FUT9: variants seen among roughly 807,000 people sequenced by gnomAD.
FUT9 encodes 4-galactosyl-N-acetylglucosaminide 3-alpha-L-fucosyltransferase 9.
A neutral mutation model predicts 29.7 loss-of-function variants in FUT9; 15 were observed. That is an observed-to-expected ratio of 0.51 (90% CI 0.34 to 0.78). The LOEUF (loss-of-function observed/expected upper bound fraction) is 0.78, where lower values mean the gene tolerates loss of function less well. FUT9 is among the 30% of genes least tolerant of loss of function. FUT9 has a pLI of 0.01. For missense variants in FUT9, 319 were observed against 425.4 expected (o/e 0.75, Z 2.20); for synonymous variants, 169 against 153.7 (o/e 1.10, Z -0.74).
intron 2 of FUT9, among the ~76,000 whole-genome samples, chr6:96,176,441 A>G (rs1285589433): frequency 3.3e-5 from 5 of 152,052 alleles, no homozygotes; most frequent in African/African-American, 9.6e-5. Context: ...CAACTACTCA[A>G]CTCTGTCATT....
chr6:96,035,804 T>TATAAA (rs1403974041), intron 1 of FUT9, among the ~76,000 whole-genome samples: 1 of 134,820 alleles, frequency 7.4e-6, no homozygotes, highest in African/African-American at 2.7e-5. Flanking sequence ...ACTAATATAA[T>TATAAA]ATAATACATA....
intron 1 of FUT9, among the ~76,000 whole-genome samples, chr6:96,083,591 A>G (rs1302175582): frequency 6.6e-6 from 1 of 151,948 alleles, no homozygotes; most frequent in Non-Finnish European, 1.5e-5. Context: ...AGTTCCACTT[A>G]AACCCCTTCA....
chr6:96,139,323 G>T (rs1481015071), intron 2 of FUT9, among the ~76,000 whole-genome samples: 1 of 152,166 alleles, frequency 6.6e-6, no homozygotes, highest in Admixed American at 6.5e-5. Flanking sequence ...GAGTTCCCAC[G>T]GTCTTGGGAA....
At chr6:96,030,097 A>C (rs1402477774) in intron 1 of FUT9, among the ~76,000 whole-genome samples, 1 of 151,672 alleles carries the variant, frequency 6.6e-6, no homozygotes, top group Non-Finnish European at 1.5e-5. Context: ...AGTCGAAATC[A>C]GTAACTATAT....
chr6:96,038,301 T>C (rs1770398313), intron 1 of FUT9, among the ~76,000 whole-genome samples: 1 of 152,130 alleles, frequency 6.6e-6, no homozygotes, highest in Non-Finnish European at 1.5e-5. Context: ...ACGAATTCAC[T>C]GCAATCTTGG....
At chr6:96,053,324 C>T (rs1269222940) in intron 1 of FUT9, among the ~76,000 whole-genome samples, 2 of 151,964 alleles carry the variant, frequency 1.3e-5, no homozygotes, top group African/African-American at 4.8e-5. Flanking sequence ...AGAACTATGA[C>T]TACATTAAAT....
At chr6:96,116,415 G>T (rs1771912263) in intron 2 of FUT9, among the ~76,000 whole-genome samples, 1 of 152,064 alleles carries the variant, frequency 6.6e-6, no homozygotes, top group Admixed American at 6.5e-5. Flanking sequence ...ATGATCCAGT[G>T]ATCCCATTCA....
In FUT9 at chr6:96,105,507, A is replaced by C. The variant is rs573178482; in HGVS notation, c.-97-8532A>C. ...ATAGCTATTTAATATTTTTGCTAGG[A>C]CTAGTATGTCTTCTTTGTTGATTAC... On this transcript the variant is annotated intron_variant, in intron 1 of 2. Transcript: ENST00000302103. Among the ~76,000 whole-genome samples the C allele has an allele frequency of 1.2e-4, 18 of 152,344 alleles. No individual in the cohort carries two copies. In the South Asian group the frequency reaches 3.7e-3, roughly 32 times the overall value.
In FUT9 at chr6:96,203,351, A is replaced by G. The variant is rs757658077; in HGVS notation, c.196A>G (p.Ile66Val). 4 of 1,613,742 alleles carry G rather than the reference A, an allele frequency of 2.5e-6. No homozygotes were observed. The East Asian group carries it at 6.7e-5, about 27-fold the overall frequency. ...AACTGATTATTTTAATGAAACTACT[A>G]TTCTGGTGTGGGTGTGGCCATTTGG... ...TKTDYFNETT[I>V]LVWVWPFGQT... is the part of the protein sequence containing the mutation. Residue 66 changes from isoleucine to valine, a missense_variant, in exon 3 of 3, where the codon ATT (isoleucine) becomes GTT (valine). Transcript: ENST00000302103.
rs1359168765 is a variant in FUT9, at chr6:96,211,837, T to G, written c.*7602T>G. ...GTTCCTTTAAAGAGTATTAGAAATG[T>G]CTGTTATGTCAGTAACATTAGAAAA... On this transcript the variant is annotated 3_prime_UTR_variant, in exon 3 of 3. Coordinates refer to ENST00000302103, the MANE Select transcript of FUT9 (RefSeq NM_006581.4). 1 of 355,072 alleles carries G rather than the reference T, an allele frequency of 2.8e-6. No individual in the cohort carries two copies. Among genetic ancestry groups the G allele is most frequent in the African/African-American group, 2.1e-5 (1 of 47,450 alleles). The allele number at this position is 355,072 out of a possible 1,614,324, so 22.0% of individuals were successfully genotyped here.
intron 2 of FUT9, among the ~76,000 whole-genome samples, chr6:96,174,623 C>T (rs1486666348): frequency 6.6e-6 from 1 of 151,966 alleles, no homozygotes; most frequent in Non-Finnish European, 1.5e-5. Flanking sequence ...ACTATTACCA[C>T]GATAACAAAA....
chr6:96,065,531 G>A (rs562552598), intron 1 of FUT9, among the ~76,000 whole-genome samples: 1 of 152,136 alleles, frequency 6.6e-6, no homozygotes, highest in African/African-American at 2.4e-5. Flanking sequence ...TGACCAGTAT[G>A]TTAATAAGTA....
rs1773792784 is a variant in FUT9, at chr6:96,204,592, G to A, written c.*357G>A. ...TTTAATCTATTTGGGAAATGAAGAT[G>A]CACATCTTAAAGTATGAAAAATTTT... On this transcript the variant is annotated 3_prime_UTR_variant, in exon 3 of 3. Transcript: ENST00000302103. 2 of 171,960 alleles carry A rather than the reference G, an allele frequency of 1.2e-5. No individual in the cohort carries two copies. The highest frequency in any genetic ancestry group is 6.5e-5 in the Admixed American group (1 of 15,466). The allele number at this position is 171,960 out of a possible 1,614,324, so 10.7% of individuals were successfully genotyped here.
intron 2 of FUT9, among the ~76,000 whole-genome samples, chr6:96,160,086 AC>A (rs1246478615): frequency 6.6e-6 from 1 of 152,180 alleles, no homozygotes; most frequent in Non-Finnish European, 1.5e-5. Flanking sequence ...AACGTTTTAG[AC>A]TTTTGCCCAT....
rs7772502 is a variant in FUT9, at chr6:96,117,680, A to G, written c.-9+3553A>G. Among the ~76,000 whole-genome samples the G allele has an allele frequency of 3.1e-3, 475 of 152,358 alleles. 3 individuals carry two copies. The highest frequency in any genetic ancestry group is 0.014 in the Middle Eastern group (4 of 294). On this transcript the variant is annotated intron_variant, in intron 2 of 2. Coordinates refer to ENST00000302103, the MANE Select transcript of FUT9 (RefSeq NM_006581.4). ...AGTTTGTAAAGGATGGAGCATCTAC[A>G]TAGAACAATCTTACTTCATTCTTAA...
chr6:96,081,432 T>G (rs1251906866), intron 1 of FUT9, among the ~76,000 whole-genome samples: 1 of 151,902 alleles, frequency 6.6e-6, no homozygotes, highest in Non-Finnish European at 1.5e-5. Flanking sequence ...CTCCACATCT[T>G]GATTGTAGAT....
chr6:96,195,928 TGAGAATCA>T (rs1773616594), intron 2 of FUT9, among the ~76,000 whole-genome samples: 1 of 152,178 alleles, frequency 6.6e-6, no homozygotes, highest in Non-Finnish European at 1.5e-5. Flanking sequence ...TACTAATAGT[TGAGAATCA>T]GATAACACCA....
At chr6:96,019,099 T>G (rs903071280) in intron 1 of FUT9, among the ~76,000 whole-genome samples, 1 of 151,998 alleles carries the variant, frequency 6.6e-6, no homozygotes. Context: ...TTTTATTTAG[T>G]AAAATCTGAG....
intron 1 of FUT9, among the ~76,000 whole-genome samples, chr6:96,051,950 A>G (rs1353397370): frequency 3.9e-5 from 6 of 152,090 alleles, no homozygotes; most frequent in African/African-American, 7.2e-5. Flanking sequence ...TTGTGGTTGG[A>G]TTGGGAAGTA....
Sources: gnomAD v4.1 joint callset for allele counts (sites outside exome capture counted in the v4.1 genomes callset) on GRCh38, gnomAD v4.1.1 for gene constraint, MANE v1.5 for transcripts, NCBI Gene and HGNC (gene_info 2026-07-23, HGNC 2026-07-21) for gene names.